NSUN6: variants seen among roughly 807,000 people sequenced by gnomAD.
NSUN6 encodes the protein NOP2/Sun RNA methyltransferase 6, also known as tRNA (cytosine(72)-C(5))-methyltransferase NSUN6.
Under a neutral mutation model 58.0 loss-of-function variants are expected in NSUN6, and 64 were observed. The ratio of observed to expected loss-of-function variants is 1.10; its 90% CI spans 0.90 to 1.36. The LOEUF (loss-of-function observed/expected upper bound fraction) is 1.36. NSUN6 is among the 40% of genes most tolerant of loss of function. NSUN6 has a pLI of 0.00. For missense variants in NSUN6, 701 were observed against 550.1 expected (o/e 1.27, Z -2.74); for synonymous variants, 231 against 193.9 (o/e 1.19, Z -1.59).
chr10:18,602,692 C>T (rs754731262), intron 6 of NSUN6, among the ~76,000 whole-genome samples: 3 of 152,104 alleles, frequency 2.0e-5, no homozygotes, highest in African/African-American at 4.8e-5. Flanking sequence ...TGCATACTCA[C>T]GGGGCAGCCT....
chr10:18,584,011 A>C (rs1279846726), intron 8 of NSUN6, among the ~76,000 whole-genome samples: 1 of 152,156 alleles, frequency 6.6e-6, no homozygotes, highest in Non-Finnish European at 1.5e-5. Context: ...CTTCTAACTA[A>C]GCCTCCAAGA....
At chr10:18,630,172 T>G (rs1329503154) in intron 3 of NSUN6, among the ~76,000 whole-genome samples, 1 of 139,544 alleles carries the variant, frequency 7.2e-6, no homozygotes, top group Admixed American at 7.3e-5. Flanking sequence ...CATAACGAAA[T>G]GAAGGCAGAA....
At chr10:18,590,036 A>G (rs1564768308) in intron 7 of NSUN6, among the ~76,000 whole-genome samples, 1 of 152,176 alleles carries the variant, frequency 6.6e-6, no homozygotes, top group Non-Finnish European at 1.5e-5. Context: ...AGACACACAC[A>G]GGCTCAAAAT....
chr10:18,547,188 T>A (rs984126010), intron 10 of NSUN6, among the ~76,000 whole-genome samples: 3 of 152,126 alleles, frequency 2.0e-5, no homozygotes, highest in African/African-American at 7.2e-5. Flanking sequence ...CTGAAGAAGA[T>A]CTATAATCCT....
At chr10:18,548,019 T>G (rs2054387163) in intron 10 of NSUN6, 93 bp downstream of exon 10, 1 of 1,248,096 alleles carries the variant, frequency 8.0e-7, no homozygotes, top group Non-Finnish European at 1.1e-6. Flanking sequence ...CTTTGGAAGT[T>G]TTACTTATCT....
Position 18,580,770 on chromosome 10 carries a change from G to C in NSUN6, c.922+5179C>G, listed in dbSNP as rs2056870001. ...GTTTTACCCAAGATGCAGAAAGGAA[G>C]AACAGAGTTCTGAAGCTCTCCCCAA... On this transcript the variant is annotated intron_variant, in intron 8 of 10. Transcript: ENST00000377304. Among the ~76,000 whole-genome samples the C allele has an allele frequency of 2.0e-5, 3 of 152,278 alleles. No individual in the cohort carries two copies. In the South Asian group the frequency reaches 6.2e-4, roughly 32 times the overall value.
At chr10:18,630,741 G>A (rs902328893) in intron 3 of NSUN6, among the ~76,000 whole-genome samples, 1 of 152,060 alleles carries the variant, frequency 6.6e-6, no homozygotes, top group South Asian at 2.1e-4. Context: ...AATAACAGGA[G>A]CTGAAATTGT....
chr10:18,570,516 A>C (rs2056287024), intron 8 of NSUN6, among the ~76,000 whole-genome samples: 1 of 137,734 alleles, frequency 7.3e-6, no homozygotes, highest in African/African-American at 2.8e-5. Context: ...TTTCCATTCC[A>C]TTCTCCATTC....
At chr10:18,565,302 A>T (rs1209523153) in intron 8 of NSUN6, among the ~76,000 whole-genome samples, 1 of 146,368 alleles carries the variant, frequency 6.8e-6, no homozygotes, top group East Asian at 2.0e-4. Context: ...TCCATTCTGC[A>T]TTCTCGATTC....
Position 18,600,957 on chromosome 10 carries a change from T to C in NSUN6, c.658-4630A>G, listed in dbSNP as rs865818477. 2.7e-3 allele frequency among the ~76,000 whole-genome samples: 236 copies of C among 88,300 alleles called. 15 individuals carry two copies. The highest frequency in any genetic ancestry group is 3.6e-3 in the Non-Finnish European group (156 of 42,764). The allele number at this position is 88,300 out of a possible 152,430, so 57.9% of individuals were successfully genotyped here. A position where few individuals can be genotyped will look rare whatever the true frequency, so the allele number is the denominator to read the frequency against. On this transcript the variant is annotated intron_variant, in intron 6 of 10. Coordinates refer to ENST00000377304, the MANE Select transcript of NSUN6 (RefSeq NM_182543.5). ...AAAAAAAAAAATATATATATATATA[T>C]ATACATATATATATATATATGTATA...
intron 6 of NSUN6, among the ~76,000 whole-genome samples, chr10:18,598,304 C>G (rs2057675353): frequency 6.6e-6 from 1 of 152,220 alleles, no homozygotes; most frequent in Non-Finnish European, 1.5e-5. Context: ...TCTTTTCAGA[C>G]TCAGCCCGCC....
intron 1 of NSUN6, among the ~76,000 whole-genome samples, chr10:18,650,647 CCTT>C (rs1427971967): frequency 6.6e-6 from 1 of 152,168 alleles, no homozygotes; most frequent in Admixed American, 6.5e-5. Flanking sequence ...TTACACAATT[CCTT>C]GAGCAGTTTT....
At chr10:18,630,994 A>G (rs1371863446) in intron 3 of NSUN6, among the ~76,000 whole-genome samples, 3 of 151,920 alleles carry the variant, frequency 2.0e-5, no homozygotes, top group African/African-American at 7.3e-5. Context: ...CATTGATGCA[A>G]AAATCCTCAA....
chr10:18,569,445 C>G (rs1373151002), intron 8 of NSUN6, among the ~76,000 whole-genome samples: 1 of 150,972 alleles, frequency 6.6e-6, no homozygotes, highest in East Asian at 1.9e-4. Flanking sequence ...ATTCCATTCT[C>G]CTTACCAACC....
chr10:18,637,016 G>T (rs2059240592), intron 3 of NSUN6, among the ~76,000 whole-genome samples: 1 of 140,656 alleles, frequency 7.1e-6, no homozygotes, highest in Non-Finnish European at 1.5e-5. Context: ...GGGCTCCAGT[G>T]CAATGGCGAG....
intron 8 of NSUN6, among the ~76,000 whole-genome samples, chr10:18,584,746 G>C (rs959431710): frequency 6.6e-6 from 1 of 152,078 alleles, no homozygotes; most frequent in African/African-American, 2.4e-5. Context: ...TAAAAATGTT[G>C]AAAGTCAAAA....
At position 18,614,601 on chromosome 10, in the gene NSUN6, C is replaced by G; in HGVS notation, c.434G>C (p.Gly145Ala). The G allele has an allele frequency of 7.1e-7, 1 of 1,414,202 alleles. No homozygotes were observed. The highest frequency in any genetic ancestry group is 9.5e-7 in the Non-Finnish European group (1 of 1,052,800). 87.6% of individuals were successfully genotyped at this position (1,414,202 alleles called of 1,614,324 possible). A position where few individuals can be genotyped will look rare whatever the true frequency, so the allele number is the denominator to read the frequency against. ...IVSASQFMKAGDVISVYSDIK... is the reference protein window; with the variant it reads ...IVSASQFMKAADVISVYSDIK... ...ATCAGAGTATACAGAAATAACATCT[C>G]CAGCTTTCATAACTAGAGAAAGAAG... The change falls in exon 5 of 11, where the codon GGA (glycine) becomes GCA (alanine). Residue 145 changes from glycine (G) to alanine (A), a missense_variant. By Grantham distance (60) the Gly-to-Ala change is moderately conservative. Transcript: ENST00000377304.
intron 8 of NSUN6, among the ~76,000 whole-genome samples, chr10:18,567,597 CTCCAT>C (rs2056055831): frequency 6.7e-6 from 1 of 149,070 alleles, no homozygotes; most frequent in Admixed American, 6.7e-5. Flanking sequence ...GCATTCCATT[CTCCAT>C]TCCATTCTCT....
At chr10:18,599,504 A>G (rs2057722635) in intron 6 of NSUN6, among the ~76,000 whole-genome samples, 1 of 152,230 alleles carries the variant, frequency 6.6e-6, no homozygotes, top group South Asian at 2.1e-4. Flanking sequence ...CTTATCTAGT[A>G]AAATCAAGTC....
Sources: allele counts gnomAD v4.1 joint callset (sites outside exome capture counted in the v4.1 genomes callset), GRCh38; gene constraint gnomAD v4.1.1; transcripts MANE v1.5; gene names NCBI Gene and HGNC (gene_info 2026-07-23, HGNC 2026-07-21).